The following OSBP variants were observed in gnomAD, a reference collection of about 807,000 sequenced individuals.
OSBP encodes oxysterol binding protein.
OSBP carries 32 observed loss-of-function variants against 96.6 expected under a neutral mutation model. The ratio of observed to expected loss-of-function variants is 0.33; its 90% CI spans 0.25 to 0.45. The LOEUF (loss-of-function observed/expected upper bound fraction) is 0.45. Among genes scored for constraint, OSBP ranks in the 20% least tolerant of loss-of-function variants. The pLI is 1.00. For missense variants in OSBP, 653 were observed against 1,029.7 expected (o/e 0.63, Z 5.01); for synonymous variants, 369 against 389.6 (o/e 0.95, Z 0.62).
At chr11:59,602,865 C>A (rs929646674) in intron 3 of OSBP, among the ~76,000 whole-genome samples, 8 of 152,170 alleles carry the variant, frequency 5.3e-5, no homozygotes, top group South Asian at 2.1e-4. Flanking sequence ...AGTGATCTAC[C>A]CATCTCAGCC....
rs35074206 is a variant in OSBP at position 59,611,135 on chromosome 11, CAAAA to C, written c.363-550_363-547del. Among the ~76,000 whole-genome samples, 14 of 60,098 alleles carry C rather than the reference CAAAA, an allele frequency of 2.3e-4. No homozygotes were observed. The South Asian group carries it at 7.6e-3, about 33-fold the overall frequency. The allele number at this position is 60,098 out of a possible 152,430, so 39.4% of individuals were successfully genotyped here. ...GGGCAACAAGAGCGAAACTCCGTCT[CAAAA>C]AAAAAAAAAAAAAAGAAAGAAAGAA... On this transcript the variant is annotated intron_variant, in intron 1 of 13. Transcript: ENST00000263847.
At chr11:59,581,412 C>CT in intron 10 of OSBP, 39 bp downstream of exon 10, 1 of 1,188,456 alleles carries the variant, frequency 8.4e-7, no homozygotes, top group Non-Finnish European at 1.2e-6. Flanking sequence ...AAGAAGTATT[C>CT]TTTTAAACTT....
chr11:59,608,548 T>C lies in OSBP; in HGVS notation c.758A>G (p.Glu253Gly). 2 of 1,614,096 alleles carry C rather than the reference T, an allele frequency of 1.2e-6. No individual in the cohort carries two copies. Among genetic ancestry groups the C allele is most frequent in the Non-Finnish European group, 1.7e-6 (2 of 1,180,016 alleles). ...ESLKLPAESN[E>G]KIKQVNERAT... Reference sequence around the variant, plus strand: ...TCGTTCGTTGACCTGTTTGATCTTTTCATTGCTCTCAGCAGGCAACTTCAG... The same window carrying C: ...TCGTTCGTTGACCTGTTTGATCTTTCCATTGCTCTCAGCAGGCAACTTCAG... The change falls in exon 3 of 14, where the codon GAA becomes GGA. Residue 253 changes from glutamate (E) to glycine (G), a missense_variant. Glu to Gly is a moderately conservative substitution (Grantham distance 98). This residue lies in a region of OSBP where 308 missense variants were observed against 573.1 expected (regional missense o/e 0.54). Coordinates refer to ENST00000263847, the MANE Select transcript of OSBP (RefSeq NM_002556.3).
chr11:59,615,692 C>A lies in OSBP; in HGVS notation c.-28G>T, dbSNP rs994256031. On this transcript the variant is annotated 5_prime_UTR_variant, in exon 1 of 14. Transcript: ENST00000263847. ...GCCGCCGCCGCCTGGAGATACAAGA[C>A]CGGAACCGCCTACGAGAGCCGCCGT... 2 of 1,286,414 alleles carry A rather than the reference C, an allele frequency of 1.6e-6. No homozygotes were observed. The highest frequency in any genetic ancestry group is 3.2e-5 in the East Asian group (1 of 31,632). The allele number at this position is 1,286,414 out of a possible 1,614,324, so 79.7% of individuals were successfully genotyped here. A position where few individuals can be genotyped will look rare whatever the true frequency, so the allele number is the denominator to read the frequency against.
At chr11:59,598,952 G>C (rs1460971006) in intron 7 of OSBP, among the ~76,000 whole-genome samples, 2 of 152,198 alleles carry the variant, frequency 1.3e-5, no homozygotes, top group Non-Finnish European at 2.9e-5. Flanking sequence ...GCTGGAATAA[G>C]GCTCTGATGA....
At chr11:59,583,262 A>G (rs1860446035) in intron 9 of OSBP, among the ~76,000 whole-genome samples, 2 of 152,202 alleles carry the variant, frequency 1.3e-5, no homozygotes, top group South Asian at 4.1e-4. Context: ...CAGTGAGCCA[A>G]GATCACATCA....
intron 9 of OSBP, among the ~76,000 whole-genome samples, chr11:59,584,249 A>C (rs1860466405): frequency 6.6e-6 from 1 of 152,042 alleles, no homozygotes. Context: ...ACCCAGCCTA[A>C]ATCTCTTAAC....
At chr11:59,586,115 A>G (rs1287640016) in intron 9 of OSBP, among the ~76,000 whole-genome samples, 1 of 151,286 alleles carries the variant, frequency 6.6e-6, no homozygotes, top group African/African-American at 2.4e-5. Context: ...CTATTGTCCT[A>G]TGACCCTGCC....
chr11:59,614,034 C>T (rs1279498071), intron 1 of OSBP, among the ~76,000 whole-genome samples: 2 of 152,080 alleles, frequency 1.3e-5, no homozygotes, highest in Non-Finnish European at 2.9e-5. Flanking sequence ...AGGATGGTCT[C>T]TGGAAAAAAA....
chr11:59,615,667 G>A lies in OSBP; in HGVS notation c.-3C>T. 1.5e-6 allele frequency: 2 copies of A among 1,321,570 alleles called. No homozygotes were observed. The highest frequency in any genetic ancestry group is 1.9e-5 in the South Asian group (1 of 51,482). The allele number at this position is 1,321,570 out of a possible 1,614,324, so 81.9% of individuals were successfully genotyped here. ...CCTCTCAGCTCCGTCGCCGCCATGA[G>A]CCGCCGCCGCCTGGAGATACAAGAC... On this transcript the variant is annotated 5_prime_UTR_variant, in exon 1 of 14. Coordinates refer to ENST00000263847, the MANE Select transcript of OSBP (RefSeq NM_002556.3).
chr11:59,598,601 GT>G (rs990096289), intron 7 of OSBP, among the ~76,000 whole-genome samples: 1 of 152,058 alleles, frequency 6.6e-6, no homozygotes, highest in Non-Finnish European at 1.5e-5. Context: ...TATCTTCTTG[GT>G]TTTTTGAGAC....
chr11:59,604,852 C>T (rs1860761862), intron 3 of OSBP, among the ~76,000 whole-genome samples: 1 of 121,144 alleles, frequency 8.3e-6, no homozygotes, highest in African/African-American at 3.2e-5. Flanking sequence ...AATACTCTGT[C>T]TCTAAAAAAA....
At chr11:59,578,633 G>A (rs1590666089) in intron 11 of OSBP, among the ~76,000 whole-genome samples, 1 of 151,924 alleles carries the variant, frequency 6.6e-6, no homozygotes, top group Admixed American at 6.6e-5. Context: ...AATTTTTTTT[G>A]TAGAGAAGGG....
In OSBP at chr11:59,574,693, G is replaced by C. The variant is rs1307663719; in HGVS notation, c.*1884C>G. On this transcript the variant is annotated 3_prime_UTR_variant, in exon 14 of 14. Coordinates refer to ENST00000263847, the MANE Select transcript of OSBP (RefSeq NM_002556.3). ...GCTTTTATGAGCCTCCTTGAAAGAA[G>C]CCTTGACATAATCCCTGGCTTATTT... 6.6e-6 allele frequency: 1 copy of C among 152,508 alleles called. No individual in the cohort carries two copies. The highest frequency in any genetic ancestry group is 1.5e-5 in the Non-Finnish European group (1 of 68,016). 9.4% of individuals were successfully genotyped at this position (152,508 alleles called of 1,614,324 possible). A position where few individuals can be genotyped will look rare whatever the true frequency, so the allele number is the denominator to read the frequency against.
At chr11:59,587,267 G>C (rs572617770) in intron 9 of OSBP, among the ~76,000 whole-genome samples, 9 of 152,228 alleles carry the variant, frequency 5.9e-5, no homozygotes, top group African/African-American at 2.2e-4. Flanking sequence ...TTGGGAAGCC[G>C]AGGCAGGCAG....
Position 59,615,654 on chromosome 11 carries a change from G to T in OSBP, c.11C>A (p.Thr4Lys). ...TGGCCCCACCACTCCTCTCAGCTCC[G>T]TCGCCGCCATGAGCCGCCGCCGCCT... Reference protein sequence around the residue: MAATELRGVVGPGP... With the variant: MAAKELRGVVGPGP... The change falls in exon 1 of 14, where the codon ACG becomes AAG. Residue 4 changes from threonine (T) to lysine (K), a missense_variant. By Grantham distance (78) the Thr-to-Lys change is moderately conservative (BLOSUM62 -1). Transcript: ENST00000263847. 7.4e-7 allele frequency: 1 copy of T among 1,351,216 alleles called. No homozygotes were observed. Among genetic ancestry groups the T allele is most frequent in the Non-Finnish European group, 9.5e-7 (1 of 1,052,098 alleles). The allele number at this position is 1,351,216 out of a possible 1,614,324, so 83.7% of individuals were successfully genotyped here.
chr11:59,611,182 C>A (rs1481557558), intron 1 of OSBP, among the ~76,000 whole-genome samples: 4 of 150,750 alleles, frequency 2.7e-5, no homozygotes, highest in Non-Finnish European at 5.9e-5. Flanking sequence ...AAGAAATAGG[C>A]TATACTGAGG....
intron 7 of OSBP, among the ~76,000 whole-genome samples, chr11:59,595,786 A>C (rs1415392682): frequency 2.0e-5 from 3 of 150,888 alleles, no homozygotes; most frequent in Admixed American, 1.3e-4. Context: ...TAAAAAAAAA[A>C]CACAAAAATT....
chr11:59,601,115 C>CAA (rs11405726), intron 5 of OSBP, among the ~76,000 whole-genome samples, 168 bp downstream of exon 5: 1,225 of 113,506 alleles, frequency 0.011, 8 homozygotes, highest in South Asian at 0.025. Context: ...GATCTTGAGA[C>CAA]AAAAAAAAAA....
Sources: gnomAD v4.1 joint callset for allele counts (sites outside exome capture counted in the v4.1 genomes callset) on GRCh38, gnomAD v4.1.1 for gene constraint, gnomAD v4.1.1 regional missense constraint, MANE v1.5 for transcripts, NCBI Gene and HGNC (gene_info 2026-07-23, HGNC 2026-07-21) for gene names.